Variants in PTPN4 observed in about 807,000 individuals in gnomAD.
PTPN4 encodes tyrosine-protein phosphatase non-receptor type 4.
In PTPN4, 49 loss-of-function variants were observed where a neutral mutation model predicts 135.5. The ratio of observed to expected loss-of-function variants is 0.36; its 90% CI spans 0.29 to 0.46. The LOEUF (loss-of-function observed/expected upper bound fraction) is 0.46, where lower values mean the gene tolerates loss of function less well. Ranked by LOEUF, PTPN4 falls within the 20% of genes least tolerant of loss-of-function variation. The probability of loss-of-function intolerance (pLI) is 1.00; values close to 1 mark genes in which losing one functional copy is unlikely to be tolerated. For missense variants in PTPN4, 860 were observed against 1,101.0 expected (o/e 0.78, Z 3.10); for synonymous variants, 333 against 369.9 (o/e 0.90, Z 1.14).
intron 10 of PTPN4, among the ~76,000 whole-genome samples, chr2:119,904,514 GC>G (rs1678456472): frequency 6.6e-6 from 1 of 151,994 alleles, no homozygotes; most frequent in African/African-American, 2.4e-5. Flanking sequence ...CCCAACTCTT[GC>G]AAGACGTAGA....
rs28865120 is a variant in PTPN4, at chr2:119,830,613, C to T, written c.138+20622C>T. On this transcript the variant is annotated intron_variant, in intron 2 of 26. Transcript: ENST00000263708. ...CCTCCAGAGTAGCTGAGATTATAGG[C>T]GCCCGTCACCACGCCCCGCTAATTT... 2.7e-3 allele frequency among the ~76,000 whole-genome samples: 407 copies of T among 152,170 alleles called. 1 individual carries two copies. Among genetic ancestry groups the T allele is most frequent in the African/African-American group, 9.4e-3 (390 of 41,514 alleles).
intron 2 of PTPN4, among the ~76,000 whole-genome samples, chr2:119,817,369 T>G (rs1170365296): frequency 6.6e-6 from 1 of 151,816 alleles, no homozygotes; most frequent in Non-Finnish European, 1.5e-5. Flanking sequence ...CTGGGATATA[T>G]GTGCCCAACT....
intron 15 of PTPN4, among the ~76,000 whole-genome samples, chr2:119,940,851 G>T (rs1233825744): frequency 6.6e-6 from 1 of 152,054 alleles, no homozygotes; most frequent in African/African-American, 2.4e-5. Context: ...ATTTTCAAGG[G>T]TTGTTCATTT....
rs1171317019 is a variant in PTPN4 at position 119,805,822 on chromosome 2, T to A, written c.-17-4015T>A. Among the ~76,000 whole-genome samples the A allele has an allele frequency of 1.1e-4, 17 of 152,294 alleles. No individual in the cohort carries two copies. The East Asian group carries it at 3.1e-3, about 28-fold the overall frequency. Reference sequence around the variant, plus strand: ...GTTTTTTCCAGTTCTGCAAAGAAAATCATTGTTAGCTTGATGGGGATGGCA... The same window carrying A: ...GTTTTTTCCAGTTCTGCAAAGAAAAACATTGTTAGCTTGATGGGGATGGCA... On this transcript the variant is annotated intron_variant, in intron 1 of 26. Coordinates refer to ENST00000263708, the MANE Select transcript of PTPN4 (RefSeq NM_002830.4).
chr2:119,798,867 C>T (rs936593909), intron 1 of PTPN4, among the ~76,000 whole-genome samples: 3 of 152,068 alleles, frequency 2.0e-5, no homozygotes, highest in Non-Finnish European at 4.4e-5. Context: ...TATTCACAGC[C>T]GTAACTAGTG....
chr2:119,954,952 T>C (rs778255605), intron 19 of PTPN4, among the ~76,000 whole-genome samples: 2 of 152,166 alleles, frequency 1.3e-5, no homozygotes, highest in South Asian at 4.1e-4. Flanking sequence ...AGAACACTTC[T>C]TCCCTCCAAA....
Position 119,980,423 on chromosome 2 carries a change from T to TA in PTPN4, c.*3353_*3354insA, listed in dbSNP as rs1679674877. 1 of 152,054 alleles carries TA rather than the reference T, an allele frequency of 6.6e-6. No individual in the cohort carries two copies. The highest frequency in any genetic ancestry group is 2.4e-5 in the African/African-American group (1 of 41,424). The allele number at this position is 152,054 out of a possible 1,614,324, so 9.4% of individuals were successfully genotyped here. A position where few individuals can be genotyped will look rare whatever the true frequency, so the allele number is the denominator to read the frequency against. On this transcript the variant is annotated 3_prime_UTR_variant, in exon 27 of 27. Transcript: ENST00000263708. ...ACTAGAAGTACTGCAGCTTGAGAGC[T>TA]GAAAGGAACTTGAAAAATGTTATCC... is the stretch of plus-strand genomic sequence containing the variant.
chr2:119,970,853 C>T (rs976956693), intron 26 of PTPN4, among the ~76,000 whole-genome samples: 12 of 152,174 alleles, frequency 7.9e-5, no homozygotes, highest in African/African-American at 2.2e-4. Flanking sequence ...TCTGTTTAAC[C>T]TTTTGAGGAA....
At chr2:119,874,384 A>T (rs908905548) in intron 3 of PTPN4, among the ~76,000 whole-genome samples, 8 of 152,238 alleles carry the variant, frequency 5.3e-5, no homozygotes, top group African/African-American at 1.9e-4. Flanking sequence ...ACAAATGTTC[A>T]TAGCAGTATT....
In PTPN4 at chr2:119,836,552, G is replaced by A. The variant is rs78124463; in HGVS notation, c.139-25984G>A. ...CACTCCACGGAGCCTGCGGGAGCTG[G>A]GAACAGGTGGGAGCCCTGCCCCCTT... On this transcript the variant is annotated intron_variant, in intron 2 of 26. Coordinates refer to ENST00000263708, the MANE Select transcript of PTPN4 (RefSeq NM_002830.4). 7.4e-3 allele frequency among the ~76,000 whole-genome samples: 1,126 copies of A among 152,346 alleles called. 13 individuals are homozygous for A. Among genetic ancestry groups the A allele is most frequent in the African/African-American group, 0.026 (1,063 of 41,578 alleles).
intron 13 of PTPN4, among the ~76,000 whole-genome samples, chr2:119,931,693 G>A (rs1678909435): frequency 6.6e-6 from 1 of 151,762 alleles, no homozygotes; most frequent in Non-Finnish European, 1.5e-5. Context: ...TCCCACCTGG[G>A]CCTCCCAAAG....
intron 1 of PTPN4, among the ~76,000 whole-genome samples, chr2:119,800,979 G>A (rs566002987): frequency 6.6e-6 from 1 of 151,846 alleles, no homozygotes; most frequent in South Asian, 2.1e-4. Context: ...ATCTGGGAGA[G>A]GGATTCCCAG....
Position 119,945,212 on chromosome 2 carries a change from A to T in PTPN4, c.1487A>T (p.Asp496Val), listed in dbSNP as rs1679115053. ...GAAAGTCATATTAATGAAACATTTG[A>T]TATTCCATCTTCTCCTGAAAAACCC... The part of the protein sequence containing the change: ...DLESHINETF[D>V]IPSSPEKPTP... Residue 496 changes from aspartate (D) to valine (V), a missense_variant, in exon 16 of 27, where the codon GAT (aspartate) becomes GTT (valine). Asp to Val is a radical substitution (Grantham distance 152). Coordinates refer to ENST00000263708, the MANE Select transcript of PTPN4 (RefSeq NM_002830.4). 1.3e-6 allele frequency: 2 copies of T among 1,588,600 alleles called. No individual in the cohort carries two copies. Among genetic ancestry groups the T allele is most frequent in the Admixed American group, 3.6e-5 (2 of 55,702 alleles).
At chr2:119,768,355 T>C (rs568302324) in intron 1 of PTPN4, among the ~76,000 whole-genome samples, 7 of 152,170 alleles carry the variant, frequency 4.6e-5, no homozygotes, top group Non-Finnish European at 1.0e-4. Flanking sequence ...CTGATTTTAT[T>C]TTACTTTTTT....
chr2:119,795,324 G>T (rs1691232885), intron 1 of PTPN4, among the ~76,000 whole-genome samples: 1 of 152,212 alleles, frequency 6.6e-6, no homozygotes, highest in Non-Finnish European at 1.5e-5. Context: ...GGACCTGGCT[G>T]GCCTCTTCCA....
chr2:119,829,401 A>G (rs1253781556), intron 2 of PTPN4, among the ~76,000 whole-genome samples: 1 of 152,222 alleles, frequency 6.6e-6, no homozygotes, highest in East Asian at 1.9e-4. Context: ...TAAGTTCACA[A>G]TGTTGTATAA....
Position 119,951,976 on chromosome 2 carries a change from G to T in PTPN4, c.1660G>T (p.Asp554Tyr). 6.2e-7 allele frequency: 1 copy of T among 1,606,838 alleles called. No individual in the cohort carries two copies. The highest frequency in any genetic ancestry group is 1.1e-5 in the South Asian group (1 of 89,810). The change falls in exon 19 of 27, where the codon GAC (aspartate) becomes TAC (tyrosine). Residue 554 changes from aspartate to tyrosine, a missense_variant. Around this residue, in one of 2 missense-constraint regions of PTPN4, gnomAD observed 684 missense variants for 807.0 expected, o/e 0.85. Transcript: ENST00000263708. ...CCTTATCTATATTATATTACAGGCT[G>T]ACCTCTGTGTCCCTAGACTGAATGA... is the stretch of plus-strand genomic sequence containing the variant. ...VSRVAPGTPA[D>Y]LCVPRLNEGD... is the part of the protein sequence containing the mutation.
chr2:119,951,450 A>G (rs1306181344), intron 18 of PTPN4, among the ~76,000 whole-genome samples: 2 of 152,188 alleles, frequency 1.3e-5, no homozygotes, highest in Admixed American at 1.3e-4. Flanking sequence ...GCCCAACTAC[A>G]TGCTTTCCTG....
At chr2:119,795,048 G>T (rs572834149) in intron 1 of PTPN4, among the ~76,000 whole-genome samples, 28 of 152,118 alleles carry the variant, frequency 1.8e-4, no homozygotes, top group African/African-American at 6.5e-4. Context: ...TTGGCTGCTG[G>T]TTGTCCTGTT....
Sources: allele counts gnomAD v4.1 joint callset (sites outside exome capture counted in the v4.1 genomes callset), GRCh38; gene constraint gnomAD v4.1.1; regional missense constraint gnomAD v4.1.1; transcripts MANE v1.5; gene names NCBI Gene and HGNC (gene_info 2026-07-23, HGNC 2026-07-21).